Variants in SMAD7 observed in about 807,000 individuals in gnomAD.
SMAD7 encodes the protein MAD (mothers against decapentaplegic, Drosophila) homolog 7.
A neutral mutation model predicts 38.7 loss-of-function variants in SMAD7; 8 were observed. The ratio of observed to expected loss-of-function variants is 0.21; its 90% CI spans 0.12 to 0.37. The LOEUF (loss-of-function observed/expected upper bound fraction) is 0.37, where lower values mean the gene tolerates loss of function less well. SMAD7 is among the 10% of genes least tolerant of loss of function. The pLI is 1.00. For missense variants in SMAD7, 477 were observed against 577.9 expected (o/e 0.83, Z 1.79); for synonymous variants, 327 against 265.1 (o/e 1.23, Z -2.27).
At chr18:48,933,400 C>T (rs1363127304) in intron 3 of SMAD7, among the ~76,000 whole-genome samples, 1 of 152,250 alleles carries the variant, frequency 6.6e-6, no homozygotes, top group African/African-American at 2.4e-5. Context: ...TTCGGACAAG[C>T]CATTCCAACT....
chr18:48,948,541 T>A (rs2070222936), intron 1 of SMAD7, 104 bp from the exon 2 acceptor site: 2 of 801,970 alleles, frequency 2.5e-6, no homozygotes, highest in Non-Finnish European at 3.9e-6. Context: ...TTGTCTTAGC[T>A]GTGGGGGTTG....
At chr18:48,925,649 C>G (rs940939236) in intron 3 of SMAD7, among the ~76,000 whole-genome samples, 1 of 152,286 alleles carries the variant, frequency 6.6e-6, no homozygotes, top group South Asian at 2.1e-4. Context: ...ACCAGAGGCT[C>G]GTGAATGAAC....
chr18:48,930,988 A>G (rs60385309), intron 3 of SMAD7, among the ~76,000 whole-genome samples: 8,931 of 152,328 alleles, frequency 0.059, 381 homozygotes, highest in East Asian at 0.14. Flanking sequence ...GCCTTAAAAA[A>G]GAAGGAAATT....
chr18:48,949,200 G>T, intron 1 of SMAD7: 1 of 709,702 alleles, frequency 1.4e-6, no homozygotes, highest in Non-Finnish European at 1.7e-6. Flanking sequence ...TGCACCCTGG[G>T]GCTGGCAGAG....
chr18:48,948,499 T>A (rs879810666), intron 1 of SMAD7, 62 bp from the exon 2 acceptor site: 6 of 1,167,294 alleles, frequency 5.1e-6, no homozygotes, highest in East Asian at 2.5e-5. Flanking sequence ...TAGAAACTTA[T>A]GATAACAGAG....
Position 48,950,002 on chromosome 18 carries a change from G to A in SMAD7, c.423C>T (p.Pro141=), listed in dbSNP as rs975906051. Residue 141 remains proline (P), a synonymous_variant, in exon 1 of 4, where the codon CCC becomes CCT. Transcript: ENST00000262158. ...RLDCRLGPGA[P]AGAQPAQPPS... ...GCGGCTGCGCAGGCTGCGCGCCGGCGGGCGCCCCCGGGCCCAGCCTGCAGT... is the reference window on the plus strand; with the variant it reads ...GCGGCTGCGCAGGCTGCGCGCCGGCAGGCGCCCCCGGGCCCAGCCTGCAGT... The A allele has an allele frequency of 5.7e-6, 9 of 1,580,330 alleles. No individual in the cohort carries two copies. Among genetic ancestry groups the A allele is most frequent in the Non-Finnish European group, 7.7e-6 (9 of 1,164,880 alleles).
chr18:48,933,193 G>C (rs1470647224), intron 3 of SMAD7, among the ~76,000 whole-genome samples: 1 of 152,176 alleles, frequency 6.6e-6, no homozygotes, highest in East Asian at 1.9e-4. Context: ...AACCAAAGCA[G>C]AAGTAGAAGT....
At chr18:48,932,498 C>T (rs1165123681) in intron 3 of SMAD7, among the ~76,000 whole-genome samples, 1 of 152,158 alleles carries the variant, frequency 6.6e-6, no homozygotes, top group Admixed American at 6.5e-5. Context: ...GAGACCAGAT[C>T]TTCCCTTTCT....
intron 3 of SMAD7, among the ~76,000 whole-genome samples, chr18:48,937,625 G>T (rs553807699): frequency 6.6e-6 from 1 of 152,318 alleles, no homozygotes; most frequent in African/African-American, 2.4e-5. Context: ...TCCAGGACTG[G>T]TCTTCACCAG....
intron 3 of SMAD7, among the ~76,000 whole-genome samples, chr18:48,935,975 T>C (rs2070059822): frequency 6.6e-6 from 1 of 151,994 alleles, no homozygotes. Context: ...CTAGGGATAC[T>C]GACGCATGAG....
intron 3 of SMAD7, among the ~76,000 whole-genome samples, chr18:48,938,640 T>C (rs1568303092): frequency 6.6e-6 from 1 of 152,154 alleles, no homozygotes. Flanking sequence ...AGGGAGATGC[T>C]GCTCCCTCAA....
At position 48,950,006 on chromosome 18, in the gene SMAD7, GC is replaced by G; in HGVS notation, c.418del (p.Ala140ArgfsTer65). 4 of 1,576,450 alleles carry G rather than the reference GC, an allele frequency of 2.5e-6. No homozygotes were observed. Among genetic ancestry groups the G allele is most frequent in the South Asian group, 1.1e-5 (1 of 87,268 alleles). ...GRLDCRLGPGAPAGAQPAQPP... is the reference protein window; with the variant it reads ...GRLDCRLGPGXPAGAQPAQPP... Reference sequence around the variant, plus strand: ...CTGCGCAGGCTGCGCGCCGGCGGGCGCCCCCGGGCCCAGCCTGCAGTCCAGG... The same window carrying G: ...CTGCGCAGGCTGCGCGCCGGCGGGCGCCCCGGGCCCAGCCTGCAGTCCAGG... On this transcript the variant is annotated frameshift_variant, in exon 1 of 4. Coordinates refer to ENST00000262158, the MANE Select transcript of SMAD7 (RefSeq NM_005904.4). LOFTEE classifies it high-confidence loss of function.
intron 2 of SMAD7, among the ~76,000 whole-genome samples, chr18:48,945,248 G>T (rs919860422): frequency 2.6e-5 from 4 of 152,078 alleles, no homozygotes; most frequent in Admixed American, 2.0e-4. Context: ...ATCACACGAG[G>T]TCAGGAGATC....
At chr18:48,926,026 G>A (rs531962670) in intron 3 of SMAD7, among the ~76,000 whole-genome samples, 2 of 152,378 alleles carry the variant, frequency 1.3e-5, no homozygotes, top group South Asian at 2.1e-4. Flanking sequence ...GATTATAGGC[G>A]TGAGCCGCCG....
chr18:48,921,979 GC>G lies in SMAD7; in HGVS notation c.743-70del, dbSNP rs564410300. 9.8e-4 allele frequency: 1,191 copies of G among 1,212,760 alleles called. 2 individuals are homozygous for G. Among genetic ancestry groups the G allele is most frequent in the Non-Finnish European group, 1.2e-3 (1,061 of 871,948 alleles). The allele number at this position is 1,212,760 out of a possible 1,614,324, so 75.1% of individuals were successfully genotyped here. A position where few individuals can be genotyped will look rare whatever the true frequency, so the allele number is the denominator to read the frequency against. ...GGTGACTCCTAGAATGAAGACACCC[GC>G]CCCCCCACTGCACCCAGTCACCAGC... On this transcript the variant is annotated intron_variant, in intron 3 of 3. Coordinates refer to ENST00000262158, the MANE Select transcript of SMAD7 (RefSeq NM_005904.4). This position sits in a 1 kb window ranked among gnomAD's most constrained non-coding sequence, Gnocchi z 6.4.
Position 48,921,360 on chromosome 18 carries a change from C to T in SMAD7, c.*12G>A. On this transcript the variant is annotated 3_prime_UTR_variant, in exon 4 of 4. Transcript: ENST00000262158. This position sits in a 1 kb window ranked among gnomAD's most constrained non-coding sequence, Gnocchi z 6.4. ...GCCTGCTCAGCTCACGCTCTGTCCCCTCCGCACGCGGCTACCGGCTGTTGA... is the reference window on the plus strand; with the variant it reads ...GCCTGCTCAGCTCACGCTCTGTCCCTTCCGCACGCGGCTACCGGCTGTTGA... 1.2e-6 allele frequency: 2 copies of T among 1,604,628 alleles called. No individual in the cohort carries two copies. The highest frequency in any genetic ancestry group is 8.5e-7 in the Non-Finnish European group (1 of 1,173,072).
chr18:48,937,187 C>T (rs1024992342), intron 3 of SMAD7, among the ~76,000 whole-genome samples: 1 of 151,884 alleles, frequency 6.6e-6, no homozygotes. Flanking sequence ...ACTGCTCCAC[C>T]GGCTCTGAGC....
chr18:48,921,269 A>G lies in SMAD7; in HGVS notation c.*103T>C. The G allele has an allele frequency of 9.4e-7, 1 of 1,065,886 alleles. No homozygotes were observed. Among genetic ancestry groups the G allele is most frequent in the Non-Finnish European group, 1.3e-6 (1 of 743,850 alleles). The allele number at this position is 1,065,886 out of a possible 1,614,324, so 66.0% of individuals were successfully genotyped here. On this transcript the variant is annotated 3_prime_UTR_variant, in exon 4 of 4. Coordinates refer to ENST00000262158, the MANE Select transcript of SMAD7 (RefSeq NM_005904.4). The surrounding 1 kb of genome is among the most constrained non-coding windows in gnomAD (Gnocchi z 6.4). ...ACCAACAAACAAAAAAAAAACGACC[A>G]AAGAGTTTGCATGAAAAGCAAGCAC...
chr18:48,933,434 C>A (rs1184069791), intron 3 of SMAD7, among the ~76,000 whole-genome samples: 3 of 152,250 alleles, frequency 2.0e-5, no homozygotes, highest in South Asian at 2.1e-4. Context: ...TCTAACCCAG[C>A]CCAGGAACTG....
Sources: allele counts gnomAD v4.1 joint callset (sites outside exome capture counted in the v4.1 genomes callset), GRCh38; gene constraint gnomAD v4.1.1; non-coding constraint Gnocchi (gnomAD v3.1); transcripts MANE v1.5; gene names NCBI Gene and HGNC (gene_info 2026-07-23, HGNC 2026-07-21).